Variants in IL15 observed in about 807,000 individuals in gnomAD.
IL15 encodes interleukin 15, also known as interleukin-15.
IL15 carries 11 observed loss-of-function variants against 19.6 expected under a neutral mutation model. That is an observed-to-expected ratio of 0.56 (90% CI 0.35 to 0.93). The LOEUF (loss-of-function observed/expected upper bound fraction) is 0.93. Ranked by LOEUF, IL15 falls within the 40% of genes least tolerant of loss-of-function variation. The pLI is 0.01. For missense variants in IL15, 197 were observed against 186.5 expected (o/e 1.06, Z -0.33); for synonymous variants, 58 against 59.6 (o/e 0.97, Z 0.12).
At chr4:141,711,899 C>A (rs1412910821) in intron 2 of IL15, among the ~76,000 whole-genome samples, 1 of 152,030 alleles carries the variant, frequency 6.6e-6, no homozygotes, top group Non-Finnish European at 1.5e-5. Context: ...AAGATGAATT[C>A]TCTTGTCTTG....
At chr4:141,668,289 G>A (rs557421443) in intron 2 of IL15, among the ~76,000 whole-genome samples, 1 of 152,128 alleles carries the variant, frequency 6.6e-6, no homozygotes, top group Non-Finnish European at 1.5e-5. Flanking sequence ...ACCTCCCTGG[G>A]CCAGGTGTCT....
chr4:141,709,527 T>C (rs1049646874), intron 2 of IL15, among the ~76,000 whole-genome samples: 65 of 152,302 alleles, frequency 4.3e-4, no homozygotes, highest in African/African-American at 1.5e-3. Flanking sequence ...TAGTGAGGTT[T>C]TTATACAACA....
At chr4:141,703,099 A>G (rs888759897) in intron 2 of IL15, among the ~76,000 whole-genome samples, 1 of 152,150 alleles carries the variant, frequency 6.6e-6, no homozygotes, top group African/African-American at 2.4e-5. Context: ...CTCACTCCTG[A>G]AGTGTCCTGC....
chr4:141,694,120 A>G (rs1489380922), intron 2 of IL15, among the ~76,000 whole-genome samples: 1 of 152,218 alleles, frequency 6.6e-6, no homozygotes, highest in Non-Finnish European at 1.5e-5. Flanking sequence ...CTATGGTTGT[A>G]AAGGGAAAAC....
At chr4:141,728,360 T>G (rs566522178) in intron 6 of IL15, among the ~76,000 whole-genome samples, 10 of 152,278 alleles carry the variant, frequency 6.6e-5, no homozygotes, top group African/African-American at 2.4e-4. Flanking sequence ...TATCACCATC[T>G]GCAATCATAT....
intron 5 of IL15, among the ~76,000 whole-genome samples, chr4:141,724,184 A>G (rs1730184434): frequency 6.6e-6 from 1 of 152,132 alleles, no homozygotes; most frequent in African/African-American, 2.4e-5. Flanking sequence ...AAATCTCCAA[A>G]TGCTTGGAAA....
intron 1 of IL15, among the ~76,000 whole-genome samples, chr4:141,650,428 A>C (rs1727367740): frequency 2.0e-5 from 3 of 152,114 alleles, no homozygotes; most frequent in Admixed American, 1.3e-4. Context: ...ACATACTGTT[A>C]TCATGGATTT....
intron 2 of IL15, chr4:141,688,824 T>G (rs1728794671): frequency 6.4e-6 from 1 of 155,676 alleles, no homozygotes; most frequent in African/African-American, 2.4e-5. Context: ...GTTTACAGTT[T>G]CAACTAGTGG....
At chr4:141,673,043 G>C (rs909552232) in intron 2 of IL15, among the ~76,000 whole-genome samples, 1 of 152,152 alleles carries the variant, frequency 6.6e-6, no homozygotes, top group African/African-American at 2.4e-5. Flanking sequence ...ACTAGACTAT[G>C]AGCTCAATAA....
chr4:141,720,378 T>C (rs1730031901), intron 3 of IL15, 91 bp from the exon 4 acceptor site: 2 of 689,254 alleles, frequency 2.9e-6, no homozygotes, highest in African/African-American at 1.8e-5. Flanking sequence ...CAAACTTACA[T>C]CTTTAGACCT....
intron 2 of IL15, among the ~76,000 whole-genome samples, chr4:141,702,863 A>T (rs746025028): frequency 2.0e-5 from 3 of 152,164 alleles, no homozygotes; most frequent in Non-Finnish European, 4.4e-5. Context: ...TGAGTGGAGA[A>T]ATATCACCAG....
chr4:141,661,259 T>C (rs768795681), intron 2 of IL15, among the ~76,000 whole-genome samples: 103 of 152,210 alleles, frequency 6.8e-4, no homozygotes, highest in Non-Finnish European at 2.2e-4. Context: ...TGTTGATGAC[T>C]GTCATCAGGT....
At chr4:141,664,269 A>T (rs771403676) in intron 2 of IL15, among the ~76,000 whole-genome samples, 3 of 151,258 alleles carry the variant, frequency 2.0e-5, no homozygotes, top group Non-Finnish European at 4.4e-5. Context: ...TCTAACCATT[A>T]CTCAATTCCA....
At chr4:141,646,945 G>A (rs1018539566) in intron 1 of IL15, among the ~76,000 whole-genome samples, 3 of 152,010 alleles carry the variant, frequency 2.0e-5, no homozygotes, top group Admixed American at 6.6e-5. Context: ...ATATTTGCTT[G>A]AGTATTTAAA....
intron 2 of IL15, among the ~76,000 whole-genome samples, chr4:141,663,862 A>G: frequency 6.6e-6 from 1 of 152,186 alleles, no homozygotes; most frequent in East Asian, 1.9e-4. Context: ...TAGGGGAAGA[A>G]TGAGGCTGAG....
intron 2 of IL15, among the ~76,000 whole-genome samples, chr4:141,662,162 A>G (rs1489984676): frequency 6.6e-6 from 1 of 152,220 alleles, no homozygotes; most frequent in East Asian, 1.9e-4. Flanking sequence ...AGGACCTAAC[A>G]AAAGTAAGTT....
At chr4:141,699,604 G>T (rs1181759165) in intron 2 of IL15, among the ~76,000 whole-genome samples, 1 of 152,050 alleles carries the variant, frequency 6.6e-6, no homozygotes, top group African/African-American at 2.4e-5. Flanking sequence ...TTGTTTTACT[G>T]TTGTTGCTTT....
intron 5 of IL15, among the ~76,000 whole-genome samples, chr4:141,725,391 T>G (rs559021965): frequency 2.6e-5 from 4 of 152,032 alleles, no homozygotes; most frequent in Non-Finnish European, 5.9e-5. Flanking sequence ...GAAAAACAGA[T>G]AAGGGTATAG....
chr4:141,676,704 T>G (rs796717733), intron 2 of IL15, among the ~76,000 whole-genome samples: 18 of 152,066 alleles, frequency 1.2e-4, no homozygotes, highest in African/African-American at 4.1e-4. Flanking sequence ...GTCCAGATGT[T>G]GTGCGTGACT....
Sources: gnomAD v4.1 joint callset for allele counts (sites outside exome capture counted in the v4.1 genomes callset) on GRCh38, gnomAD v4.1.1 for gene constraint, MANE v1.5 for transcripts, NCBI Gene and HGNC (gene_info 2026-07-23, HGNC 2026-07-21) for gene names.